Variants in NBEA observed in about 807,000 individuals in gnomAD.
NBEA encodes lysosomal-trafficking regulator 2.
In NBEA, 44 loss-of-function variants were observed where a neutral mutation model predicts 343.4. The ratio of observed to expected loss-of-function variants is 0.13; its 90% CI spans 0.10 to 0.16. The LOEUF (loss-of-function observed/expected upper bound fraction) is 0.16. NBEA is among the 10% of genes least tolerant of loss of function. The pLI is 1.00. For missense variants in NBEA, 2,555 were observed against 3,631.3 expected (o/e 0.70, Z 7.62); for synonymous variants, 1,175 against 1,238.7 (o/e 0.95, Z 1.08).
At chr13:35,425,856 G>A (rs2044629297) in intron 38 of NBEA, among the ~76,000 whole-genome samples, 1 of 152,138 alleles carries the variant, frequency 6.6e-6, no homozygotes, top group African/African-American at 2.4e-5. Context: ...ATATATTTAG[G>A]ATAGTTAGCT....
intron 41 of NBEA, among the ~76,000 whole-genome samples, chr13:35,500,333 T>C (rs1179112924): frequency 6.6e-6 from 1 of 152,054 alleles, no homozygotes; most frequent in Non-Finnish European, 1.5e-5. Flanking sequence ...CATAAGACTG[T>C]TATGTGAGTG....
intron 36 of NBEA, among the ~76,000 whole-genome samples, chr13:35,337,403 G>A (rs1173590058): frequency 6.6e-6 from 1 of 151,966 alleles, no homozygotes; most frequent in African/African-American, 2.4e-5. Context: ...TCATTACAGT[G>A]ACAAAGACAT....
At chr13:35,240,834 ATAAT>A (rs2030125962) in intron 34 of NBEA, among the ~76,000 whole-genome samples, 1 of 151,812 alleles carries the variant, frequency 6.6e-6, no homozygotes, top group Admixed American at 6.6e-5. Context: ...ATACGTGGTA[ATAAT>A]TTATTTCTTT....
chr13:35,479,708 T>G (rs2152965487), intron 41 of NBEA, among the ~76,000 whole-genome samples: 1 of 152,308 alleles, frequency 6.6e-6, no homozygotes, highest in South Asian at 2.1e-4. Context: ...TATGTATTAA[T>G]GTGAAAAGTT....
intron 40 of NBEA, among the ~76,000 whole-genome samples, chr13:35,471,136 C>T (rs961181174): frequency 2.0e-5 from 3 of 152,196 alleles, no homozygotes; most frequent in African/African-American, 7.2e-5. Context: ...TAGCCACCCC[C>T]TTGTAATCGC....
chr13:34,992,238 G>GTGTGTA (rs775136249), intron 1 of NBEA, among the ~76,000 whole-genome samples: 14 of 122,142 alleles, frequency 1.1e-4, no homozygotes, highest in Admixed American at 1.8e-4. Flanking sequence ...GTGTGTGTGT[G>GTGTGTA]TATATATATA....
chr13:35,121,383 A>G (rs1437664911), intron 16 of NBEA, among the ~76,000 whole-genome samples: 1 of 152,054 alleles, frequency 6.6e-6, no homozygotes, highest in Non-Finnish European at 1.5e-5. Context: ...TTAGGATTAC[A>G]GGCATGAGCC....
intron 1 of NBEA, among the ~76,000 whole-genome samples, chr13:35,009,060 T>C (rs1023868053): frequency 3.1e-4 from 47 of 152,222 alleles, no homozygotes; most frequent in African/African-American, 1.1e-3. Context: ...CTCTCTGATG[T>C]CTTCAAGTAT....
chr13:35,483,425 G>A (rs950317341), intron 41 of NBEA, among the ~76,000 whole-genome samples: 18 of 151,860 alleles, frequency 1.2e-4, no homozygotes, highest in African/African-American at 4.3e-4. Context: ...TAGGAATTGA[G>A]GCTAAAGAGT....
At chr13:35,366,240 G>T (rs1298311151) in intron 38 of NBEA, among the ~76,000 whole-genome samples, 1 of 151,364 alleles carries the variant, frequency 6.6e-6, no homozygotes, top group Non-Finnish European at 1.5e-5. Flanking sequence ...GATTGTTTCA[G>T]CTTTAGGAAT....
chr13:35,478,081 G>C (rs2075958277), intron 41 of NBEA, among the ~76,000 whole-genome samples: 1 of 152,074 alleles, frequency 6.6e-6, no homozygotes, highest in Admixed American at 6.5e-5. Flanking sequence ...CATGTTTGTA[G>C]ACACTTTCAG....
chr13:35,262,793 T>TGAAAGG (rs2152799199), intron 34 of NBEA, among the ~76,000 whole-genome samples: 1 of 152,202 alleles, frequency 6.6e-6, no homozygotes, highest in African/African-American at 2.4e-5. Flanking sequence ...GATAAAAGAC[T>TGAAAGG]TGTACAATGA....
rs906252675 is a variant in NBEA, at chr13:34,942,989, C to T, written c.169C>T (p.Pro57Ser). 2 of 1,609,744 alleles carry T rather than the reference C, an allele frequency of 1.2e-6. No individual in the cohort carries two copies. The highest frequency in any genetic ancestry group is 1.3e-5 in the African/African-American group (1 of 74,530). The change falls in exon 1 of 59, where the codon CCC becomes TCC. Residue 57 changes from proline to serine, a missense_variant. Physicochemically the swap from Pro to Ser is moderately conservative, Grantham distance 74 (BLOSUM62 -1). Around this residue, in one of 21 missense-constraint regions of NBEA, gnomAD observed 122 missense variants for 91.0 expected, o/e 1.34. Transcript: ENST00000379939. Reference sequence around the variant, plus strand: ...GTCCGGCTCCGGCTCGGTGATGCTCCCCGCGGGGATGATTAACCCTTCGGT... The same window carrying T: ...GTCCGGCTCCGGCTCGGTGATGCTCTCCGCGGGGATGATTAACCCTTCGGT... ...GASGSGSVML[P>S]AGMINPSVPI... is the part of the protein sequence containing the mutation.
At chr13:35,031,961 C>G (rs1351579135) in intron 1 of NBEA, among the ~76,000 whole-genome samples, 1 of 151,684 alleles carries the variant, frequency 6.6e-6, no homozygotes, top group Non-Finnish European at 1.5e-5. Flanking sequence ...CCATCCATAT[C>G]CCCATAAGAG....
intron 46 of NBEA, 135 bp downstream of exon 46, chr13:35,584,173 A>C: frequency 3.1e-6 from 3 of 973,560 alleles, no homozygotes; most frequent in Non-Finnish European, 4.7e-6. Context: ...AAAGATTTCA[A>C]AGTAGCAAAA....
chr13:35,137,318 C>T (rs189134239), intron 17 of NBEA, among the ~76,000 whole-genome samples: 10 of 151,994 alleles, frequency 6.6e-5, no homozygotes, highest in Middle Eastern at 3.4e-3. Flanking sequence ...GGTGTGGTGG[C>T]GGGTGCCTGT....
chr13:35,568,627 G>A (rs2080246931), intron 45 of NBEA, among the ~76,000 whole-genome samples: 1 of 152,104 alleles, frequency 6.6e-6, no homozygotes, highest in Admixed American at 6.5e-5. Flanking sequence ...AATACATGCA[G>A]GTTGAGTATC....
chr13:35,047,549 T>G (rs1336900714), intron 4 of NBEA, among the ~76,000 whole-genome samples: 2 of 151,748 alleles, frequency 1.3e-5, no homozygotes, highest in African/African-American at 4.8e-5. Context: ...GAAGAATGAT[T>G]TGGATAGAAG....
At chr13:35,044,677 C>T (rs1029874519) in intron 2 of NBEA, among the ~76,000 whole-genome samples, 1 of 149,646 alleles carries the variant, frequency 6.7e-6, no homozygotes, top group Non-Finnish European at 1.5e-5. Flanking sequence ...TTTTACATTT[C>T]TGCTAAGACA....
Sources: allele counts gnomAD v4.1 joint callset (sites outside exome capture counted in the v4.1 genomes callset), GRCh38; gene constraint gnomAD v4.1.1; regional missense constraint gnomAD v4.1.1; transcripts MANE v1.5; gene names NCBI Gene and HGNC (gene_info 2026-07-23, HGNC 2026-07-21).